The following MYZAP variants were observed in gnomAD, a reference collection of about 807,000 sequenced individuals.
MYZAP encodes the protein GRINL1A complex locus upstream.
MYZAP carries 66 observed loss-of-function variants against 69.4 expected under a neutral mutation model. The observed-to-expected ratio is 0.95, with a 90% confidence interval of 0.78 to 1.17. The LOEUF (loss-of-function observed/expected upper bound fraction) is 1.17. Ranked by LOEUF, MYZAP falls within the 50% of genes most tolerant of loss-of-function variation. The pLI is 0.00. For missense variants in MYZAP, 611 were observed against 556.2 expected (o/e 1.10, Z -0.99); for synonymous variants, 256 against 205.9 (o/e 1.24, Z -2.09).
intron 5 of MYZAP, among the ~76,000 whole-genome samples, chr15:57,626,449 A>G (rs2036141076): frequency 6.6e-6 from 1 of 152,198 alleles, no homozygotes; most frequent in African/African-American, 2.4e-5. Context: ...TTGTTATCTC[A>G]CTTTGAGGCA....
chr15:57,653,267 T>G (rs1341492483), intron 10 of MYZAP, among the ~76,000 whole-genome samples: 2 of 152,200 alleles, frequency 1.3e-5, no homozygotes, highest in African/African-American at 2.4e-5. Context: ...TTAAAATGTT[T>G]ATTGCAGGGG....
At chr15:57,607,462 T>TA (rs112410315) in intron 2 of MYZAP, among the ~76,000 whole-genome samples, 3,339 of 151,518 alleles carry the variant, frequency 0.022, 121 homozygotes, top group African/African-American at 0.074. Context: ...CCCTCTTTTT[T>TA]AAAAAAAAAT....
chr15:57,645,077 G>A (rs1196891247), intron 10 of MYZAP, among the ~76,000 whole-genome samples: 2 of 152,122 alleles, frequency 1.3e-5, no homozygotes, highest in Admixed American at 1.3e-4. Flanking sequence ...TTGGCCACAT[G>A]GTACCCCTTT....
rs571763638 is a variant in MYZAP, at chr15:57,640,650, G to C, written c.1119+1105G>C. Among the ~76,000 whole-genome samples the C allele has an allele frequency of 2.6e-5, 4 of 152,300 alleles. No individual in the cohort carries two copies. The East Asian group carries it at 7.7e-4, about 29-fold the overall frequency. On this transcript the variant is annotated intron_variant, in intron 10 of 12. Transcript: ENST00000267853. ...ATATTGGGGATATTAATGTTGGGGAGTTAAGGTCAGAGAATTGTGAGTATG... is the reference window on the plus strand; with the variant it reads ...ATATTGGGGATATTAATGTTGGGGACTTAAGGTCAGAGAATTGTGAGTATG...
At chr15:57,683,735 A>G (rs1482631842) in intron 12 of MYZAP, among the ~76,000 whole-genome samples, 3 of 151,968 alleles carry the variant, frequency 2.0e-5, no homozygotes, top group African/African-American at 4.8e-5. Context: ...TGGTTCATGT[A>G]TAGTGTCTTC....
At chr15:57,616,351 A>G (rs2035443524) in intron 2 of MYZAP, among the ~76,000 whole-genome samples, 1 of 152,184 alleles carries the variant, frequency 6.6e-6, no homozygotes, top group African/African-American at 2.4e-5. Flanking sequence ...CTAAAAATAC[A>G]AAAATTGGCT....
In MYZAP at chr15:57,624,779, A is replaced by G. The variant is rs538574745; in HGVS notation, c.412-1000A>G. Reference sequence around the variant, plus strand: ...AGATTAAGATTGCTAAATTATTGCTATTGAAACACACTGCTGAACACAAAG... The same window carrying G: ...AGATTAAGATTGCTAAATTATTGCTGTTGAAACACACTGCTGAACACAAAG... On this transcript the variant is annotated intron_variant, in intron 4 of 12. Coordinates refer to ENST00000267853, the MANE Select transcript of MYZAP (RefSeq NM_001018100.5). Among the ~76,000 whole-genome samples the G allele has an allele frequency of 3.3e-5, 5 of 152,268 alleles. No homozygotes were observed. In the East Asian group the frequency reaches 5.8e-4, roughly 18 times the overall value.
chr15:57,598,973 C>G (rs2034238801), intron 1 of MYZAP, among the ~76,000 whole-genome samples: 1 of 152,184 alleles, frequency 6.6e-6, no homozygotes, highest in African/African-American at 2.4e-5. Context: ...ATTCCCACCT[C>G]CCATTAAGAT....
At chr15:57,623,428 A>G (rs2035937055) in intron 4 of MYZAP, among the ~76,000 whole-genome samples, 2 of 152,192 alleles carry the variant, frequency 1.3e-5, no homozygotes, top group South Asian at 4.1e-4. Context: ...GGAAACCTAA[A>G]TGTCTATCAA....
intron 5 of MYZAP, among the ~76,000 whole-genome samples, chr15:57,627,412 G>GGGGA (rs2036215648): frequency 7.3e-6 from 1 of 136,376 alleles, no homozygotes; most frequent in African/African-American, 2.8e-5. Context: ...GGGAGGGGAA[G>GGGGA]GGGGAGGAGG....
intron 6 of MYZAP, among the ~76,000 whole-genome samples, chr15:57,630,143 T>TG (rs1164158425): frequency 6.6e-6 from 1 of 152,112 alleles, no homozygotes. Context: ...AATTTTTGTA[T>TG]TTTTAGTAGA....
intron 11 of MYZAP, among the ~76,000 whole-genome samples, chr15:57,671,074 C>G (rs1314436858): frequency 6.6e-6 from 1 of 152,094 alleles, no homozygotes; most frequent in African/African-American, 2.4e-5. Flanking sequence ...GATGTCATCT[C>G]GCCTCAGCCT....
intron 11 of MYZAP, among the ~76,000 whole-genome samples, chr15:57,670,668 T>C (rs1428475168): frequency 6.6e-6 from 1 of 152,114 alleles, no homozygotes; most frequent in Non-Finnish European, 1.5e-5. Context: ...TTATTTTGCT[T>C]GCTTGTTTGT....
At chr15:57,631,465 G>GAAGAAA (rs2036503669) in intron 6 of MYZAP, among the ~76,000 whole-genome samples, 1 of 149,578 alleles carries the variant, frequency 6.7e-6, no homozygotes, top group Non-Finnish European at 1.5e-5. Flanking sequence ...CCCAAATTGG[G>GAAGAAA]AAAAAAAAAA....
At chr15:57,663,232 G>T (rs1310531232) in intron 11 of MYZAP, among the ~76,000 whole-genome samples, 1 of 150,380 alleles carries the variant, frequency 6.6e-6, no homozygotes, top group African/African-American at 2.5e-5. Context: ...TGGCTGTGCT[G>T]CTAAAGCAAG....
At chr15:57,677,921 A>G (rs2039220879) in intron 12 of MYZAP, among the ~76,000 whole-genome samples, 1 of 152,012 alleles carries the variant, frequency 6.6e-6, no homozygotes, top group East Asian at 1.9e-4. Flanking sequence ...AAGCATTTAG[A>G]GACTGGGCAT....
intron 11 of MYZAP, among the ~76,000 whole-genome samples, chr15:57,667,448 G>C (rs1027911593): frequency 6.6e-6 from 1 of 152,192 alleles, no homozygotes; most frequent in Non-Finnish European, 1.5e-5. Flanking sequence ...TAAACACAAG[G>C]GGGTGGTGTT....
intron 12 of MYZAP, among the ~76,000 whole-genome samples, chr15:57,683,789 C>T (rs562365279): frequency 3.5e-4 from 53 of 151,814 alleles, no homozygotes; most frequent in African/African-American, 1.2e-3. Flanking sequence ...ATGAATATTT[C>T]TGGGGCCTCT....
chr15:57,622,890 A>G (rs1303111337), intron 4 of MYZAP, among the ~76,000 whole-genome samples: 1 of 152,242 alleles, frequency 6.6e-6, no homozygotes, highest in African/African-American at 2.4e-5. Context: ...TCCTGCTGGT[A>G]AAAATGTCAA....
Sources: gnomAD v4.1 joint callset for allele counts (sites outside exome capture counted in the v4.1 genomes callset) on GRCh38, gnomAD v4.1.1 for gene constraint, MANE v1.5 for transcripts, NCBI Gene and HGNC (gene_info 2026-07-23, HGNC 2026-07-21) for gene names.